The following GABRG3 variants were observed in gnomAD, a reference collection of about 807,000 sequenced individuals.
The protein encoded by GABRG3 is gamma-aminobutyric acid type A receptor subunit gamma3, also known as gamma-aminobutyric acid receptor subunit gamma-3.
A neutral mutation model predicts 48.8 loss-of-function variants in GABRG3; 25 were observed. That is an observed-to-expected ratio of 0.51 (90% confidence interval 0.37 to 0.72). GABRG3 has a LOEUF of 0.72. Ranked by LOEUF, GABRG3 falls within the 30% of genes least tolerant of loss-of-function variation. The probability of loss-of-function intolerance (pLI) is 0.00; values close to 1 mark genes in which losing one functional copy is unlikely to be tolerated. For missense variants in GABRG3, 394 were observed against 577.9 expected (o/e 0.68, Z 3.26); for synonymous variants, 227 against 217.6 (o/e 1.04, Z -0.38).
At chr15:26,990,695 A>T (rs554315096) in intron 2 of GABRG3, among the ~76,000 whole-genome samples, 2 of 151,852 alleles carry the variant, frequency 1.3e-5, no homozygotes, top group East Asian at 3.9e-4. Context: ...TTACTCAGGA[A>T]ATTTTTGCTC....
intron 2 of GABRG3, among the ~76,000 whole-genome samples, chr15:27,024,203 A>G (rs996700833): frequency 2.0e-5 from 3 of 152,088 alleles, no homozygotes; most frequent in Admixed American, 2.0e-4. Context: ...TGTATTCTGG[A>G]TATTAACCAC....
intron 3 of GABRG3, among the ~76,000 whole-genome samples, chr15:27,310,527 A>G (rs1339109942): frequency 6.6e-6 from 1 of 152,152 alleles, no homozygotes; most frequent in Admixed American, 6.6e-5. Context: ...AAGACTCTGT[A>G]TTGGAAACAA....
intron 5 of GABRG3, among the ~76,000 whole-genome samples, chr15:27,379,814 G>A (rs1895710816): frequency 6.6e-6 from 1 of 152,260 alleles, no homozygotes; most frequent in East Asian, 1.9e-4. Flanking sequence ...TATAGTGAAG[G>A]TGGTTTTCCC....
rs528537953 is a variant in GABRG3, at chr15:27,279,172, G to A, written c.271-47637G>A. ...TTTTGAGAGTTCCTTATATATTCTA[G>A]ATATGTGGTCTTTGTCAACTATTTT... On this transcript the variant is annotated intron_variant, in intron 3 of 9. Coordinates refer to ENST00000615808, the MANE Select transcript of GABRG3 (RefSeq NM_033223.5). Among the ~76,000 whole-genome samples, 5 of 152,252 alleles carry A rather than the reference G, an allele frequency of 3.3e-5. No individual in the cohort carries two copies. In the South Asian group the frequency reaches 1.0e-3, roughly 32 times the overall value.
At chr15:27,512,305 T>C (rs1362636212) in intron 6 of GABRG3, among the ~76,000 whole-genome samples, 2 of 152,166 alleles carry the variant, frequency 1.3e-5, no homozygotes, top group Admixed American at 6.5e-5. Flanking sequence ...GGTTGGAATC[T>C]GAGCATGTTT....
intron 3 of GABRG3, among the ~76,000 whole-genome samples, chr15:27,156,330 T>G (rs1898427290): frequency 1.4e-5 from 2 of 142,504 alleles, no homozygotes; most frequent in African/African-American, 2.6e-5. Context: ...AAGAAAGAAA[T>G]AGAAGTATTC....
At chr15:27,349,779 C>A (rs1184960971) in intron 5 of GABRG3, among the ~76,000 whole-genome samples, 1 of 152,160 alleles carries the variant, frequency 6.6e-6, no homozygotes, top group Non-Finnish European at 1.5e-5. Context: ...TGAGAGGCTT[C>A]ATAGAGCCTG....
chr15:27,021,136 G>A (rs1297990812), intron 2 of GABRG3, among the ~76,000 whole-genome samples: 2 of 151,986 alleles, frequency 1.3e-5, no homozygotes, highest in Non-Finnish European at 2.9e-5. Context: ...CTATATAAAT[G>A]TATTAAATTA....
intron 6 of GABRG3, among the ~76,000 whole-genome samples, chr15:27,505,012 A>G (rs943580693): frequency 3.9e-5 from 6 of 152,230 alleles, no homozygotes; most frequent in African/African-American, 1.4e-4. Context: ...TAGCTAAACT[A>G]CAGTCTCTAT....
intron 3 of GABRG3, among the ~76,000 whole-genome samples, chr15:27,167,935 G>A (rs565157650): frequency 6.6e-6 from 1 of 152,308 alleles, no homozygotes; most frequent in Admixed American, 6.5e-5. Context: ...ACCTGGGACT[G>A]CAGAAGAGGC....
Position 27,100,113 on chromosome 15 carries a change from G to C in GABRG3, c.270+73292G>C, listed in dbSNP as rs554377940. On this transcript the variant is annotated intron_variant, in intron 3 of 9. Transcript: ENST00000615808. ...CATGCCTATAATCTCAGCTACTGGG[G>C]AGGCTGAGGCAGGAGAATGGCTTGA... Among the ~76,000 whole-genome samples the C allele has an allele frequency of 2.9e-3, 440 of 151,906 alleles. 4 individuals are homozygous for C. Among genetic ancestry groups the C allele is most frequent in the African/African-American group, 0.01 (432 of 41,436 alleles).
intron 3 of GABRG3, among the ~76,000 whole-genome samples, chr15:27,079,276 G>C (rs1896955862): frequency 6.6e-6 from 1 of 152,128 alleles, no homozygotes; most frequent in Admixed American, 6.5e-5. Context: ...GTAAAGAGTA[G>C]AGAAGCAACA....
intron 5 of GABRG3, among the ~76,000 whole-genome samples, chr15:27,407,354 A>G (rs7170568): frequency 0.23 from 35,656 of 152,166 alleles, 5,806 homozygotes; most frequent in African/African-American, 0.45. Flanking sequence ...ACTCTCATGT[A>G]TTGCTGGTGG....
intron 3 of GABRG3, among the ~76,000 whole-genome samples, chr15:27,050,836 G>A (rs1896443762): frequency 6.6e-6 from 1 of 151,858 alleles, no homozygotes; most frequent in Non-Finnish European, 1.5e-5. Context: ...TATATATTAA[G>A]CATTACAATT....
intron 3 of GABRG3, among the ~76,000 whole-genome samples, chr15:27,260,095 G>T (rs753614164): frequency 3.3e-5 from 5 of 152,176 alleles, no homozygotes; most frequent in African/African-American, 1.2e-4. Flanking sequence ...GTCCTAGTCT[G>T]CCCGGGCTGC....
intron 2 of GABRG3, among the ~76,000 whole-genome samples, chr15:26,985,419 T>C (rs551870711): frequency 2.0e-5 from 3 of 152,330 alleles, no homozygotes; most frequent in Admixed American, 6.5e-5. Flanking sequence ...CAGGAGTTAG[T>C]TTTGTTGCAG....
At chr15:27,499,916 C>T (rs1274993309) in intron 6 of GABRG3, among the ~76,000 whole-genome samples, 2 of 152,192 alleles carry the variant, frequency 1.3e-5, no homozygotes, top group African/African-American at 4.8e-5. Flanking sequence ...TGCCTCGGAC[C>T]TGGTGGAACA....
At chr15:27,294,711 C>T (rs1013490410) in intron 3 of GABRG3, 10 of 152,172 alleles carry the variant, frequency 6.6e-5, no homozygotes, top group Non-Finnish European at 2.9e-5. Context: ...AGCAGCCTGT[C>T]TTAACACGCC....
At chr15:27,036,559 A>G (rs1198692087) in intron 3 of GABRG3, among the ~76,000 whole-genome samples, 1 of 152,144 alleles carries the variant, frequency 6.6e-6, no homozygotes, top group African/African-American at 2.4e-5. Context: ...GCTTTGTGGC[A>G]TGCACCTGTA....
Sources: gnomAD v4.1 joint callset for allele counts (sites outside exome capture counted in the v4.1 genomes callset) on GRCh38, gnomAD v4.1.1 for gene constraint, MANE v1.5 for transcripts, NCBI Gene and HGNC (gene_info 2026-07-23, HGNC 2026-07-21) for gene names.